Variants in CTNNA3 observed in about 807,000 individuals in gnomAD.
CTNNA3 encodes the protein catenin alpha 3.
CTNNA3 carries 76 observed loss-of-function variants against 95.7 expected under a neutral mutation model. That is an observed-to-expected ratio of 0.79 (90% CI 0.66 to 0.96). CTNNA3 has a LOEUF of 0.96. Ranked by LOEUF, CTNNA3 falls within the 40% of genes least tolerant of loss-of-function variation. The probability of loss-of-function intolerance (pLI) is 0.00; values close to 1 mark genes in which losing one functional copy is unlikely to be tolerated. For missense variants in CTNNA3, 1,191 were observed against 1,089.8 expected (o/e 1.09, Z -1.31); for synonymous variants, 431 against 374.4 (o/e 1.15, Z -1.74).
chr10:66,947,180 G>T (rs1848314831), intron 7 of CTNNA3, among the ~76,000 whole-genome samples: 1 of 152,024 alleles, frequency 6.6e-6, no homozygotes, highest in Non-Finnish European at 1.5e-5. Context: ...AGGTGTTCAT[G>T]CCTAAATCTT....
rs1267013588 is a variant in CTNNA3, at chr10:66,127,428, A to T, written c.1885-24179T>A. 2.6e-5 allele frequency among the ~76,000 whole-genome samples: 4 copies of T among 152,108 alleles called. No individual in the cohort carries two copies. In the East Asian group the frequency reaches 5.8e-4, roughly 22 times the overall value. On this transcript the variant is annotated intron_variant, in intron 13 of 17. Coordinates refer to ENST00000433211, the MANE Select transcript of CTNNA3 (RefSeq NM_013266.4). ...CTTTTTCTCACTGGTCTTCCTCCCAAAACCACATATTCCCAGACTAATCAT... is the reference window on the plus strand; with the variant it reads ...CTTTTTCTCACTGGTCTTCCTCCCATAACCACATATTCCCAGACTAATCAT...
At chr10:67,530,558 T>C (rs1662934276) in intron 4 of CTNNA3, among the ~76,000 whole-genome samples, 1 of 152,214 alleles carries the variant, frequency 6.6e-6, no homozygotes, top group South Asian at 2.1e-4. Context: ...AGCAAAGCAT[T>C]CAAGAGGTGA....
chr10:66,288,072 G>A (rs574480890), intron 12 of CTNNA3, among the ~76,000 whole-genome samples: 2 of 152,026 alleles, frequency 1.3e-5, no homozygotes, highest in Non-Finnish European at 2.9e-5. Flanking sequence ...GAAGATGTTG[G>A]CTTGAACTCA....
intron 5 of CTNNA3, among the ~76,000 whole-genome samples, chr10:67,509,422 A>G (rs1335176075): frequency 6.6e-6 from 1 of 151,996 alleles, no homozygotes; most frequent in Non-Finnish European, 1.5e-5. Context: ...ATTCCCACCT[A>G]TAAGTGAGAA....
Position 67,057,600 on chromosome 10 carries a change from T to A in CTNNA3, c.1047+122717A>T, listed in dbSNP as rs1001205645. Among the ~76,000 whole-genome samples the A allele has an allele frequency of 2.6e-5, 4 of 152,180 alleles. No individual in the cohort carries two copies. In the South Asian group the frequency reaches 8.3e-4, roughly 32 times the overall value. The stretch of plus-strand genomic sequence containing the variant: ...GTTGTCTCAAATGACAGGATATACT[T>A]CTTTTTTAAGACTGAGAATACTGAC... On this transcript the variant is annotated intron_variant, in intron 7 of 17. Transcript: ENST00000433211.
intron 10 of CTNNA3, among the ~76,000 whole-genome samples, chr10:66,546,768 C>A (rs1276729113): frequency 2.6e-5 from 4 of 152,088 alleles, no homozygotes; most frequent in African/African-American, 9.7e-5. Flanking sequence ...CCACTCTTGA[C>A]ACGTGGAAAT....
intron 5 of CTNNA3, among the ~76,000 whole-genome samples, chr10:67,495,838 T>C (rs1424210931): frequency 1.3e-5 from 2 of 152,238 alleles, no homozygotes; most frequent in African/African-American, 2.4e-5. Context: ...ATTCCCATTA[T>C]ATGATTATTG....
intron 7 of CTNNA3, among the ~76,000 whole-genome samples, chr10:66,810,754 C>T (rs548839165): frequency 1.3e-4 from 20 of 152,164 alleles, no homozygotes; most frequent in Non-Finnish European, 2.9e-4. Context: ...GTCTTCAATG[C>T]CCCTCTGTCA....
rs185006636 is a variant in CTNNA3 at position 67,743,638 on chromosome 10, A to G, written c.-2+19796T>C. Among the ~76,000 whole-genome samples, 177 of 151,350 alleles carry G rather than the reference A, an allele frequency of 1.2e-3. 6 individuals are homozygous for G. The highest frequency in any genetic ancestry group is 4.0e-3 in the African/African-American group (165 of 41,408). ...ACTACTCCTATTCAACATAGTGTTG[A>G]AAGTTCAGGCCAGGGCAATCAGGCA... On this transcript the variant is annotated intron_variant, in intron 1 of 17. Transcript: ENST00000684154.
chr10:66,380,097 C>G (rs377142049), intron 11 of CTNNA3, among the ~76,000 whole-genome samples: 1 of 152,138 alleles, frequency 6.6e-6, no homozygotes, highest in Non-Finnish European at 1.5e-5. Flanking sequence ...AAAACACACA[C>G]AGAAAACAAT....
At chr10:67,189,664 T>A (rs974306354) in intron 6 of CTNNA3, among the ~76,000 whole-genome samples, 2 of 150,934 alleles carry the variant, frequency 1.3e-5, no homozygotes, top group Non-Finnish European at 2.9e-5. Flanking sequence ...CCAGATTTTA[T>A]GTTATCAAGT....
intron 7 of CTNNA3, among the ~76,000 whole-genome samples, chr10:67,090,901 A>G (rs1857593887): frequency 6.6e-6 from 1 of 152,064 alleles, no homozygotes; most frequent in Non-Finnish European, 1.5e-5. Flanking sequence ...ATAATTGCTT[A>G]CACTATTTAT....
At chr10:67,237,696 A>T (rs1292124131) in intron 5 of CTNNA3, among the ~76,000 whole-genome samples, 1 of 152,192 alleles carries the variant, frequency 6.6e-6, no homozygotes, top group Non-Finnish European at 1.5e-5. Context: ...TGATATGACA[A>T]ATACAGGAAA....
At chr10:67,175,125 G>A (rs1174668231) in intron 7 of CTNNA3, among the ~76,000 whole-genome samples, 1 of 144,616 alleles carries the variant, frequency 6.9e-6, no homozygotes, top group Non-Finnish European at 1.5e-5. Context: ...AGGAAGGGAT[G>A]GAGGGAAAGG....
At chr10:66,504,076 C>T (rs577990805) in intron 11 of CTNNA3, among the ~76,000 whole-genome samples, 23 of 152,170 alleles carry the variant, frequency 1.5e-4, no homozygotes, top group African/African-American at 5.5e-4. Context: ...TTTACTTGTT[C>T]TCTCAGCGAT....
intron 7 of CTNNA3, among the ~76,000 whole-genome samples, chr10:66,915,749 T>C (rs940226376): frequency 3.0e-5 from 3 of 100,184 alleles, no homozygotes; most frequent in African/African-American, 8.9e-5. Context: ...TATACATATA[T>C]ACATTTTTTT....
At chr10:66,918,574 G>A (rs1846613778) in intron 7 of CTNNA3, among the ~76,000 whole-genome samples, 1 of 152,134 alleles carries the variant, frequency 6.6e-6, no homozygotes, top group Non-Finnish European at 1.5e-5. Flanking sequence ...ACCACCAAAT[G>A]CAGAACATGG....
chr10:66,283,768 T>G lies in CTNNA3; in HGVS notation c.1733-3147A>C, dbSNP rs193296354. Among the ~76,000 whole-genome samples, 504 of 152,012 alleles carry G rather than the reference T, an allele frequency of 3.3e-3. 3 individuals carry two copies. Among genetic ancestry groups the G allele is most frequent in the Middle Eastern group, 0.017 (5 of 294 alleles). ...ATTTCATTAGCTTAAACATCAGCTG[T>G]GGGTGTACTTTACTTACACTATGGA... On this transcript the variant is annotated intron_variant, in intron 12 of 17. Coordinates refer to ENST00000433211, the MANE Select transcript of CTNNA3 (RefSeq NM_013266.4).
At chr10:66,133,156 T>C (rs934463147) in intron 13 of CTNNA3, among the ~76,000 whole-genome samples, 1 of 152,040 alleles carries the variant, frequency 6.6e-6, no homozygotes, top group African/African-American at 2.4e-5. Flanking sequence ...TTCTCCTATG[T>C]TAATATAGTT....
Sources: allele counts gnomAD v4.1 joint callset (sites outside exome capture counted in the v4.1 genomes callset), GRCh38; gene constraint gnomAD v4.1.1; transcripts MANE v1.5; gene names NCBI Gene and HGNC (gene_info 2026-07-23, HGNC 2026-07-21).